Variants in TUT1 observed in about 807,000 individuals in gnomAD.
TUT1 encodes speckle targeted PIP5K1A-regulated poly(A) polymerase.
TUT1 carries 26 observed loss-of-function variants against 48.8 expected under a neutral mutation model. The ratio of observed to expected loss-of-function variants is 0.53; its 90% CI spans 0.39 to 0.74. TUT1 has a LOEUF of 0.74. Among genes scored for constraint, TUT1 ranks in the 30% least tolerant of loss-of-function variants. TUT1 has a pLI of 0.00. For synonymous variants in TUT1, 470 were observed against 460.8 expected, an observed-to-expected ratio of 1.02 and a Z score of -0.26; for missense variants, 1,065 against 1,114.8, an observed-to-expected ratio of 0.96 and a Z score of 0.64.
In TUT1 at chr11:62,590,498, G is replaced by A. The variant is rs923564285; in HGVS notation, c.82+906C>T. Among the ~76,000 whole-genome samples the A allele has an allele frequency of 5.3e-5, 8 of 152,168 alleles. No homozygotes were observed. In the East Asian group the frequency reaches 9.6e-4, roughly 18 times the overall value. On this transcript the variant is annotated intron_variant, in intron 1 of 8. Transcript: ENST00000476907. ...AAAAAATACAAAAAATTAGCCGGGC[G>A]TGGTGGCGGGTGCCTGTAGTCCCGG...
At chr11:62,576,368 G>A (rs1185950408) in intron 8 of TUT1, 124 bp from the exon 9 acceptor site, 3 of 1,241,486 alleles carry the variant, frequency 2.4e-6, no homozygotes, top group African/African-American at 3.0e-5. Flanking sequence ...CAGAGTCCCA[G>A]GAAGCTAGGC....
intron 7 of TUT1, 53 bp downstream of exon 7, chr11:62,576,854 A>G (rs1447909746): frequency 1.9e-6 from 3 of 1,599,544 alleles, no homozygotes; most frequent in Non-Finnish European, 2.6e-6. Context: ...AAGTGTGATG[A>G]AGAAGAGAGA....
chr11:62,591,459 T>G lies in TUT1; in HGVS notation c.27A>C (p.Glu9Asp), dbSNP rs575729500. Reference sequence around the variant, plus strand: ...AGCGGAACCCCCCACGCGGCAGCGATTCGACATCCGAATCCACCGCCGCCA... The same window carrying G: ...AGCGGAACCCCCCACGCGGCAGCGAGTCGACATCCGAATCCACCGCCGCCA... MAAVDSDVESLPRGGFRCC... is the reference protein window; with the variant it reads MAAVDSDVDSLPRGGFRCC... The change falls in exon 1 of 9, where the codon GAA becomes GAC. Residue 9 changes from glutamate (E) to aspartate (D), a missense_variant. Coordinates refer to ENST00000476907, the MANE Select transcript of TUT1 (RefSeq NM_022830.3). The G allele has an allele frequency of 1.2e-5, 20 of 1,611,688 alleles. No individual in the cohort carries two copies. In the Admixed American group the frequency reaches 2.7e-4, roughly 22 times the overall value.
chr11:62,577,292 C>T lies in TUT1; in HGVS notation c.1161-1G>A. ...GAAACGGGAGTTATGCAGGGCCAGC[C>T]TGGGACAAAGCAGGGACAAGGGTGT... On this transcript the variant is annotated splice_acceptor_variant, in intron 5 of 8. Coordinates refer to ENST00000476907, the MANE Select transcript of TUT1 (RefSeq NM_022830.3). LOFTEE classifies it high-confidence loss of function. The T allele has an allele frequency of 1.9e-6, 3 of 1,611,794 alleles. No homozygotes were observed. The highest frequency in any genetic ancestry group is 2.5e-6 in the Non-Finnish European group (3 of 1,179,282).
At chr11:62,585,632 G>C (rs1941899835) in intron 2 of TUT1, among the ~76,000 whole-genome samples, 1 of 152,182 alleles carries the variant, frequency 6.6e-6, no homozygotes, top group Non-Finnish European at 1.5e-5. Context: ...AGGAGTTCCA[G>C]ACCAGCCTGG....
chr11:62,576,669 C>G lies in TUT1; in HGVS notation c.1462G>C (p.Val488Leu), dbSNP rs755138733. 19 of 1,614,082 alleles carry G rather than the reference C, an allele frequency of 1.2e-5. No individual in the cohort carries two copies. Among genetic ancestry groups the G allele is most frequent in the Non-Finnish European group, 1.4e-5 (17 of 1,180,020 alleles). Residue 488 changes from valine (V) to leucine (L), a missense_variant, in exon 8 of 9, where the codon GTG becomes CTG. Coordinates refer to ENST00000476907, the MANE Select transcript of TUT1 (RefSeq NM_022830.3). ...TCCCCAAACTCACTGAGGGGCTCCA[C>G]ATTTATGCTGGGCTCCAGTCTTGAG... ...DASRLEPSIN[V>L]EPLSSLLAQF... is the part of the protein sequence containing the mutation.
rs201079127 is a variant in TUT1, at chr11:62,575,815, A to T, written c.1904T>A (p.Ile635Lys). The T allele has an allele frequency of 1.2e-4, 186 of 1,613,972 alleles. No homozygotes were observed. Among genetic ancestry groups the T allele is most frequent in the Non-Finnish European group, 1.5e-4 (172 of 1,180,040 alleles). Residue 635 changes from isoleucine to lysine, a missense_variant, in exon 9 of 9, where the codon ATA (isoleucine) becomes AAA (lysine). Ile to Lys is a moderately radical substitution (Grantham distance 102). Coordinates refer to ENST00000476907, the MANE Select transcript of TUT1 (RefSeq NM_022830.3). ...CCGCGTTCTCTTGGTTGCCTGTTCT[A>T]TATGGCACCCCAGTGCTTCCCTGAA... ...QVFREALGCH[I>K]EQATKRTRSE... is the part of the protein sequence containing the mutation.
At chr11:62,582,516 G>A (rs753541669) in intron 2 of TUT1, 31 of 435,222 alleles carry the variant, frequency 7.1e-5, no homozygotes, top group African/African-American at 6.1e-4. Flanking sequence ...GCATCACTTG[G>A]GCCCAGGATG....
In TUT1 at chr11:62,591,436, C is replaced by A. The variant is rs1424972274; in HGVS notation, c.50G>T (p.Arg17Leu). Residue 17 changes from arginine to leucine, a missense_variant, in exon 1 of 9, where the codon CGC becomes CTC. By Grantham distance (102) the Arg-to-Leu change is moderately radical (BLOSUM62 -2). Transcript: ENST00000476907. Reference sequence around the variant, plus strand: ...TGTAGTAACGTGGCAGAGGCAGCAGCGGAACCCCCCACGCGGCAGCGATTC... The same window carrying A: ...TGTAGTAACGTGGCAGAGGCAGCAGAGGAACCCCCCACGCGGCAGCGATTC... ...DVESLPRGGFRCCLCHVTTAN... is the reference protein window; with the variant it reads ...DVESLPRGGFLCCLCHVTTAN... 9 of 1,605,560 alleles carry A rather than the reference C, an allele frequency of 5.6e-6. No individual in the cohort carries two copies. Among genetic ancestry groups the A allele is most frequent in the Non-Finnish European group, 7.7e-6 (9 of 1,176,076 alleles).
At chr11:62,582,693 A>G (rs1050162758) in intron 2 of TUT1, 2 of 411,192 alleles carry the variant, frequency 4.9e-6, no homozygotes. Context: ...TTTTATCTAC[A>G]TTATTTGTCC....
In TUT1 at chr11:62,589,202, G is replaced by A. The variant is rs138673633; in HGVS notation, c.102C>T (p.His34=). 7.1e-5 allele frequency: 114 copies of A among 1,614,170 alleles called. 1 individual carries two copies. The African/African-American group carries it at 1.1e-3, about 15-fold the overall frequency. Residue 34 remains histidine, a synonymous_variant, in exon 2 of 9, where the codon CAC becomes CAT. Coordinates refer to ENST00000476907, the MANE Select transcript of TUT1 (RefSeq NM_022830.3). ...GGTGCCGGTGCTTTCTGCCTCCCAA[G>A]TGGGCATCAAGGCTGGGTCCTGCAA... The part of the protein sequence containing the change: ...TTANRPSLDA[H]LGGRKHRHLV...
intron 8 of TUT1, 149 bp downstream of exon 8, chr11:62,576,508 G>C: frequency 3.6e-6 from 3 of 834,778 alleles, no homozygotes; most frequent in Middle Eastern, 2.8e-4. Context: ...CCCAAACATG[G>C]TTTCTTCATC....
At chr11:62,591,144 A>C (rs1942005777) in intron 1 of TUT1, among the ~76,000 whole-genome samples, 1 of 150,538 alleles carries the variant, frequency 6.6e-6, no homozygotes, top group South Asian at 2.1e-4. Context: ...GGCACAGAGC[A>C]TATGTCCAAT....
At chr11:62,577,528 T>C (rs534642496) in intron 5 of TUT1, among the ~76,000 whole-genome samples, 1 of 150,194 alleles carries the variant, frequency 6.7e-6, no homozygotes, top group African/African-American at 2.5e-5. Flanking sequence ...AGACTGTTCA[T>C]GAGCCATGGT....
At chr11:62,576,813 G>T (rs1941736757) in intron 7 of TUT1, 64 bp from the exon 8 acceptor site, 3 of 1,595,212 alleles carry the variant, frequency 1.9e-6, no homozygotes, top group Non-Finnish European at 2.6e-6. Flanking sequence ...GGGGTAGAGA[G>T]ATCTCATTCA....
At chr11:62,578,495 A>G in intron 5 of TUT1, 66 bp downstream of exon 5, 1 of 1,444,234 alleles carries the variant, frequency 6.9e-7, no homozygotes, top group Non-Finnish European at 9.4e-7. Context: ...CAGAGAGCCA[A>G]GATGGCACCA....
chr11:62,584,713 G>A (rs1285455733), intron 2 of TUT1, among the ~76,000 whole-genome samples: 1 of 151,938 alleles, frequency 6.6e-6, no homozygotes, highest in Non-Finnish European at 1.5e-5. Context: ...CAAAGTGCTG[G>A]GATTACAGGC....
chr11:62,575,591 G>T lies in TUT1; in HGVS notation c.2128C>A (p.Gln710Lys). ...GTGGTCAGGGGCAGGTCCCCTGGCT[G>T]CCCAGGGCTCTGCATGGCCCAGTCC... ...VQDWAMQSPG[Q>K]PGDLPLTTGK... The change falls in exon 9 of 9, where the codon CAG (glutamine) becomes AAG (lysine). Residue 710 changes from glutamine to lysine, a missense_variant. Gln to Lys is a moderately conservative substitution (Grantham distance 53). Coordinates refer to ENST00000476907, the MANE Select transcript of TUT1 (RefSeq NM_022830.3). 1 of 1,614,096 alleles carries T rather than the reference G, an allele frequency of 6.2e-7. No homozygotes were observed. The highest frequency in any genetic ancestry group is 8.5e-7 in the Non-Finnish European group (1 of 1,180,012).
Position 62,582,619 on chromosome 11 carries a change from A to G in TUT1, c.274-918T>C, listed in dbSNP as rs932576268. On this transcript the variant is annotated intron_variant, in intron 2 of 8. Transcript: ENST00000476907. ...TGTCTCAAAAAAAAGTAGAAAAACA[A>G]TTCTTTCCCTCACTCCTATTCCAAA... 1.6e-4 allele frequency: 72 copies of G among 455,034 alleles called. 1 individual carries two copies. The highest frequency in any genetic ancestry group is 3.0e-4 in the Non-Finnish European group (68 of 226,466). 28.2% of individuals were successfully genotyped at this position (455,034 alleles called of 1,614,324 possible). A position where few individuals can be genotyped will look rare whatever the true frequency, so the allele number is the denominator to read the frequency against.
Sources: allele counts gnomAD v4.1 joint callset (sites outside exome capture counted in the v4.1 genomes callset), GRCh38; gene constraint gnomAD v4.1.1; transcripts MANE v1.5; gene names NCBI Gene and HGNC (gene_info 2026-07-23, HGNC 2026-07-21).